CSMD1: variants seen among roughly 807,000 people sequenced by gnomAD.
CSMD1 encodes CUB and Sushi multiple domains 1.
CSMD1 carries 213 observed loss-of-function variants against 417.5 expected under a neutral mutation model. The ratio of observed to expected loss-of-function variants is 0.51; its 90% CI spans 0.46 to 0.57. The LOEUF (loss-of-function observed/expected upper bound fraction) is 0.57. Ranked by LOEUF, CSMD1 falls within the 20% of genes least tolerant of loss-of-function variation. The pLI is 0.00. For synonymous variants in CSMD1, 2,862 were observed against 1,736.8 expected (o/e 1.65, Z -16.11); for missense variants, 6,923 against 4,529.7 (o/e 1.53, Z -15.17).
At chr8:4,550,654 G>A (rs1043066463) in intron 2 of CSMD1, among the ~76,000 whole-genome samples, 2 of 152,102 alleles carry the variant, frequency 1.3e-5, no homozygotes, top group African/African-American at 4.8e-5. Context: ...ATCTCTAACA[G>A]TTTACCTAGA....
chr8:4,015,670 A>AC (rs1343610356), intron 4 of CSMD1, among the ~76,000 whole-genome samples: 12 of 150,766 alleles, frequency 8.0e-5, no homozygotes, highest in African/African-American at 2.7e-4. Flanking sequence ...TTAAAAAAAA[A>AC]AAAAAAAAAA....
At chr8:3,270,724 T>C (rs13248297) in intron 26 of CSMD1, among the ~76,000 whole-genome samples, 40,740 of 151,884 alleles carry the variant, frequency 0.27, 5,689 homozygotes, top group African/African-American at 0.34. Context: ...ACAGTGGATG[T>C]AAAATAATCC....
intron 1 of CSMD1, among the ~76,000 whole-genome samples, chr8:4,795,472 G>A (rs974359770): frequency 6.6e-6 from 1 of 151,250 alleles, no homozygotes; most frequent in African/African-American, 2.4e-5. Flanking sequence ...GGGTTTCACC[G>A]TGTTAGCCAG....
intron 3 of CSMD1, among the ~76,000 whole-genome samples, chr8:4,214,027 A>G (rs998924003): frequency 6.6e-6 from 1 of 152,222 alleles, no homozygotes; most frequent in Non-Finnish European, 1.5e-5. Context: ...GTAAGTAACA[A>G]TGGACAAAAA....
chr8:4,819,655 T>C (rs527416912), intron 1 of CSMD1, among the ~76,000 whole-genome samples: 1 of 152,308 alleles, frequency 6.6e-6, no homozygotes, highest in South Asian at 2.1e-4. Flanking sequence ...ATATCATCTG[T>C]TGTCACCCCT....
chr8:4,326,910 G>T (rs986685364), intron 3 of CSMD1, among the ~76,000 whole-genome samples: 4 of 152,150 alleles, frequency 2.6e-5, no homozygotes, highest in African/African-American at 9.7e-5. Context: ...AGGAGGAAAA[G>T]TAAGTTAGGA....
intron 4 of CSMD1, among the ~76,000 whole-genome samples, chr8:4,017,972 T>C (rs2130480811): frequency 6.6e-6 from 1 of 152,322 alleles, no homozygotes; most frequent in South Asian, 2.1e-4. Flanking sequence ...CATGCATTTA[T>C]ACATGTTGCA....
rs532997967 is a variant in CSMD1 at position 4,759,503 on chromosome 8, C to G, written c.86-121945G>C. ...TGCTGGTTTGCTGCACCTATCAACC[C>G]ATCACCTAGGTATTAAGCCCAGCAT... is the stretch of plus-strand genomic sequence containing the variant. On this transcript the variant is annotated intron_variant, in intron 1 of 69. Coordinates refer to ENST00000635120, the MANE Select transcript of CSMD1 (RefSeq NM_033225.6). Among the ~76,000 whole-genome samples the G allele has an allele frequency of 2.6e-5, 4 of 152,306 alleles. No individual in the cohort carries two copies. In the East Asian group the frequency reaches 5.8e-4, roughly 22 times the overall value.
rs370524338 is a variant in CSMD1 at position 4,962,166 on chromosome 8, A to C, written c.85+32166T>G. ...CAACTATCCAGTGAAACACAAAACA[A>C]TAATATAAATGTAAATTTCTGCTTT... is the stretch of plus-strand genomic sequence containing the variant. On this transcript the variant is annotated intron_variant, in intron 1 of 69. Coordinates refer to ENST00000635120, the MANE Select transcript of CSMD1 (RefSeq NM_033225.6). Among the ~76,000 whole-genome samples the C allele has an allele frequency of 6.0e-5, 9 of 150,702 alleles. No homozygotes were observed. In the East Asian group the frequency reaches 7.8e-4, roughly 13 times the overall value.
intron 3 of CSMD1, among the ~76,000 whole-genome samples, chr8:4,077,127 T>A (rs539627415): frequency 2.1e-4 from 32 of 151,792 alleles, no homozygotes; most frequent in Admixed American, 9.8e-4. Context: ...ATGAGTATGA[T>A]GAAGTCAAGA....
chr8:3,024,132 GGT>G (rs56148945), intron 51 of CSMD1, among the ~76,000 whole-genome samples: 2 of 151,032 alleles, frequency 1.3e-5, no homozygotes, highest in Non-Finnish European at 3.0e-5. Flanking sequence ...TTCATGGTGT[GGT>G]GTGTGTGTGT....
chr8:4,233,597 G>A (rs1474634521), intron 3 of CSMD1, among the ~76,000 whole-genome samples: 1 of 152,126 alleles, frequency 6.6e-6, no homozygotes, highest in Non-Finnish European at 1.5e-5. Flanking sequence ...ACCAGGAAAT[G>A]ATCCCCAACC....
Position 4,100,168 on chromosome 8 carries a change from G to T in CSMD1, c.416-68069C>A, listed in dbSNP as rs74765579. Among the ~76,000 whole-genome samples the T allele has an allele frequency of 5.7e-4, 87 of 152,200 alleles. No homozygotes were observed. In the Middle Eastern group the frequency reaches 0.01, roughly 18 times the overall value. On this transcript the variant is annotated intron_variant, in intron 3 of 69. Transcript: ENST00000635120. ...TTGGTTTTTATGTGAGTAAAATGGGGCATATACTACCACTACCTTGGGGAA... is the reference window on the plus strand; with the variant it reads ...TTGGTTTTTATGTGAGTAAAATGGGTCATATACTACCACTACCTTGGGGAA...
At chr8:4,381,954 G>T (rs1265073513) in intron 3 of CSMD1, among the ~76,000 whole-genome samples, 3 of 152,008 alleles carry the variant, frequency 2.0e-5, no homozygotes, top group Non-Finnish European at 4.4e-5. Flanking sequence ...TAGAATAACT[G>T]CACTAAGTGG....
At chr8:4,854,430 C>A (rs1358274505) in intron 1 of CSMD1, among the ~76,000 whole-genome samples, 1 of 152,166 alleles carries the variant, frequency 6.6e-6, no homozygotes, top group Non-Finnish European at 1.5e-5. Context: ...CGAATAGGAA[C>A]AGCTCCGGTC....
intron 1 of CSMD1, among the ~76,000 whole-genome samples, chr8:4,916,399 AAC>A (rs1242731740): frequency 6.6e-6 from 1 of 152,262 alleles, no homozygotes; most frequent in African/African-American, 2.4e-5. Context: ...AGTACATTGG[AAC>A]ACATATGCAC....
At chr8:3,212,362 T>A (rs1190750916) in intron 30 of CSMD1, among the ~76,000 whole-genome samples, 1 of 152,056 alleles carries the variant, frequency 6.6e-6, no homozygotes, top group African/African-American at 2.4e-5. Flanking sequence ...ACACAAAAAA[T>A]AACGTTCTTC....
At chr8:4,233,210 T>G (rs1801848798) in intron 3 of CSMD1, among the ~76,000 whole-genome samples, 1 of 152,068 alleles carries the variant, frequency 6.6e-6, no homozygotes, top group African/African-American at 2.4e-5. Context: ...TTTCTTCAAT[T>G]TTTTCTTTTT....
intron 39 of CSMD1, among the ~76,000 whole-genome samples, chr8:3,157,412 T>C (rs1458669902): frequency 6.6e-6 from 1 of 152,192 alleles, no homozygotes; most frequent in Non-Finnish European, 1.5e-5. Flanking sequence ...AGCCGGCTGA[T>C]TGTGCCCCCA....
Sources: gnomAD v4.1 joint callset for allele counts (sites outside exome capture counted in the v4.1 genomes callset) on GRCh38, gnomAD v4.1.1 for gene constraint, MANE v1.5 for transcripts, NCBI Gene and HGNC (gene_info 2026-07-23, HGNC 2026-07-21) for gene names.